SLC25A21: variants seen among roughly 807,000 people sequenced by gnomAD.
SLC25A21 encodes mitochondrial 2-oxodicarboxylate carrier.
In SLC25A21, 47 loss-of-function variants were observed where a neutral mutation model predicts 43.8. The ratio of observed to expected loss-of-function variants is 1.07; its 90% CI spans 0.85 to 1.37. SLC25A21 has a LOEUF of 1.37. Ranked by LOEUF, SLC25A21 falls within the 40% of genes most tolerant of loss-of-function variation. The probability of loss-of-function intolerance (pLI) is 0.00; values close to 1 mark genes in which losing one functional copy is unlikely to be tolerated. For missense variants in SLC25A21, 352 were observed against 350.2 expected (o/e 1.00, Z -0.04); for synonymous variants, 131 against 121.3 (o/e 1.08, Z -0.52).
chr14:36,830,339 T>C (rs942847500), intron 2 of SLC25A21, among the ~76,000 whole-genome samples: 1 of 152,218 alleles, frequency 6.6e-6, no homozygotes, highest in Non-Finnish European at 1.5e-5. Context: ...CCCATCACTG[T>C]TATTCAGTGT....
intron 2 of SLC25A21, among the ~76,000 whole-genome samples, chr14:36,864,711 A>C (rs1026163616): frequency 6.6e-6 from 1 of 152,206 alleles, no homozygotes; most frequent in Non-Finnish European, 1.5e-5. Flanking sequence ...TACAGTTTAT[A>C]AAACTATGGT....
intron 1 of SLC25A21, among the ~76,000 whole-genome samples, chr14:36,878,504 G>T (rs1890612327): frequency 6.6e-6 from 1 of 152,144 alleles, no homozygotes; most frequent in Non-Finnish European, 1.5e-5. Context: ...GACAGCTAAA[G>T]ACTGTGAGAC....
intron 9 of SLC25A21, among the ~76,000 whole-genome samples, 190 bp downstream of exon 9, chr14:36,683,638 A>C (rs926631468): frequency 6.6e-6 from 1 of 152,184 alleles, no homozygotes; most frequent in African/African-American, 2.4e-5. Context: ...AATAGTACTT[A>C]ATAAACAAAG....
chr14:37,039,115 C>A (rs1555333), intron 1 of SLC25A21, among the ~76,000 whole-genome samples: 71,366 of 151,990 alleles, frequency 0.47, 19,155 homozygotes, highest in African/African-American at 0.75. Flanking sequence ...AAGGATGGTA[C>A]GGTGAGGGGT....
At chr14:37,103,172 T>G (rs1382149804) in intron 1 of SLC25A21, among the ~76,000 whole-genome samples, 1 of 152,184 alleles carries the variant, frequency 6.6e-6, no homozygotes, top group Non-Finnish European at 1.5e-5. Flanking sequence ...CTGCAAGTAA[T>G]AAATATTTTA....
chr14:37,026,416 G>C (rs1434230756), intron 1 of SLC25A21, among the ~76,000 whole-genome samples: 1 of 152,000 alleles, frequency 6.6e-6, no homozygotes, highest in Non-Finnish European at 1.5e-5. Context: ...CTCCAACTTA[G>C]CTTGTTATTA....
chr14:37,081,073 T>A (rs773964424), intron 1 of SLC25A21, among the ~76,000 whole-genome samples: 78 of 152,306 alleles, frequency 5.1e-4, no homozygotes, highest in Non-Finnish European at 7.1e-4. Flanking sequence ...ACCCATCCCC[T>A]GAATCTAATT....
chr14:36,996,718 G>C (rs1005042007), intron 1 of SLC25A21, among the ~76,000 whole-genome samples: 9 of 152,268 alleles, frequency 5.9e-5, no homozygotes, highest in African/African-American at 2.2e-4. Context: ...GGATGGAGAG[G>C]GAGAGTGGCC....
chr14:36,960,942 G>T lies in SLC25A21; in HGVS notation c.71-85938C>A, dbSNP rs1391169602. On this transcript the variant is annotated intron_variant, in intron 1 of 9. Transcript: ENST00000331299. The stretch of plus-strand genomic sequence containing the variant: ...ACACAGTATGCACAATGACCTAATT[G>T]CTCATATGGAATTCAACAGCAGTCA... 2.0e-5 allele frequency among the ~76,000 whole-genome samples: 3 copies of T among 152,144 alleles called. No homozygotes were observed. The East Asian group carries it at 5.8e-4, about 29-fold the overall frequency.
chr14:36,936,813 A>T (rs1327376438), intron 1 of SLC25A21, among the ~76,000 whole-genome samples: 1 of 152,198 alleles, frequency 6.6e-6, no homozygotes, highest in Admixed American at 6.5e-5. Context: ...CTGATATCCT[A>T]GAAGAACTAC....
intron 3 of SLC25A21, among the ~76,000 whole-genome samples, chr14:36,792,254 C>A (rs959625529): frequency 6.6e-6 from 1 of 152,026 alleles, no homozygotes; most frequent in Non-Finnish European, 1.5e-5. Context: ...CATTTAGGAG[C>A]AAGAGAGAAA....
intron 3 of SLC25A21, among the ~76,000 whole-genome samples, chr14:36,795,969 A>G (rs539492660): frequency 6.6e-6 from 1 of 152,298 alleles, no homozygotes; most frequent in East Asian, 1.9e-4. Context: ...AGAATAACCT[A>G]AATGCCAAGG....
intron 1 of SLC25A21, among the ~76,000 whole-genome samples, chr14:37,137,160 G>T (rs1397624484): frequency 1.3e-5 from 2 of 152,140 alleles, no homozygotes; most frequent in Non-Finnish European, 2.9e-5. Flanking sequence ...ACCTCGCCCA[G>T]CTAATTTTTT....
At chr14:37,172,047 G>A in intron 1 of SLC25A21, 1 of 546,614 alleles carries the variant, frequency 1.8e-6, no homozygotes, top group Non-Finnish European at 3.2e-6. Context: ...CCGGGAACCC[G>A]AGAGCGGCCG....
chr14:36,806,067 T>G (rs889149219), intron 3 of SLC25A21, among the ~76,000 whole-genome samples: 2 of 142,932 alleles, frequency 1.4e-5, no homozygotes, highest in Non-Finnish European at 3.0e-5. Context: ...ATATAAAAAA[T>G]TAGCTGAGTG....
intron 1 of SLC25A21, among the ~76,000 whole-genome samples, chr14:37,102,357 C>T (rs556122702): frequency 4.0e-5 from 6 of 151,758 alleles, no homozygotes; most frequent in South Asian, 2.1e-4. Flanking sequence ...GCAGGAGAAT[C>T]GCTTGAACCA....
chr14:37,003,678 T>TAA (rs1407691583), intron 1 of SLC25A21, among the ~76,000 whole-genome samples: 54 of 152,270 alleles, frequency 3.5e-4, no homozygotes, highest in Non-Finnish European at 6.8e-4. Context: ...TACTCAAAGA[T>TAA]GCACCTAAAC....
At chr14:36,717,854 T>C (rs17105105) in intron 6 of SLC25A21, among the ~76,000 whole-genome samples, 38,957 of 152,020 alleles carry the variant, frequency 0.26, 5,152 homozygotes, top group Middle Eastern at 0.35. Flanking sequence ...GATAAAGCCA[T>C]CAACCTTATA....
chr14:36,936,378 T>C (rs1892424973), intron 1 of SLC25A21, among the ~76,000 whole-genome samples: 2 of 152,006 alleles, frequency 1.3e-5, no homozygotes, highest in South Asian at 4.1e-4. Flanking sequence ...GGGCCACCGT[T>C]TGTACTGTTT....
Sources: gnomAD v4.1 joint callset for allele counts (sites outside exome capture counted in the v4.1 genomes callset) on GRCh38, gnomAD v4.1.1 for gene constraint, MANE v1.5 for transcripts, NCBI Gene and HGNC (gene_info 2026-07-23, HGNC 2026-07-21) for gene names.